The following CSMD1 variants were observed in gnomAD, a reference collection of about 807,000 sequenced individuals.
CSMD1 encodes CUB and Sushi multiple domains 1.
In CSMD1, 213 loss-of-function variants were observed where a neutral mutation model predicts 417.5. That is an observed-to-expected ratio of 0.51 (90% CI 0.46 to 0.57). CSMD1 has a LOEUF of 0.57. Ranked by LOEUF, CSMD1 falls within the 20% of genes least tolerant of loss-of-function variation. The pLI, the probability that CSMD1 is intolerant of heterozygous loss-of-function variation, is 0.00. For synonymous variants in CSMD1, 2,862 were observed against 1,736.8 expected (o/e 1.65, Z -16.11); for missense variants, 6,923 against 4,529.7 (o/e 1.53, Z -15.17).
chr8:3,616,929 C>T, intron 7 of CSMD1, 132 bp from the exon 8 acceptor site: 1 of 563,346 alleles, frequency 1.8e-6, no homozygotes, highest in Non-Finnish European at 3.1e-6. Context: ...GGAATTAAGA[C>T]ACCTTAAATA....
At chr8:3,176,342 G>C (rs1448379668) in intron 37 of CSMD1, among the ~76,000 whole-genome samples, 1 of 144,496 alleles carries the variant, frequency 6.9e-6, no homozygotes, top group South Asian at 2.1e-4. Context: ...GAACATCTCT[G>C]AATGTTTTCA....
At chr8:3,074,281 C>A (rs1240263146) in intron 49 of CSMD1, among the ~76,000 whole-genome samples, 1 of 152,152 alleles carries the variant, frequency 6.6e-6, no homozygotes. Context: ...AAGAACTCTG[C>A]CCCTAGAAGA....
rs1479854950 is a variant in CSMD1, at chr8:3,348,073, G to A, written c.3393C>T (p.Ile1131=). The change falls in exon 22 of 70, where the codon ATC becomes ATT. Residue 1131 remains isoleucine (I), a synonymous_variant. Transcript: ENST00000635120. ...PSNYDNNHEC[I]YKIETEAGKG... ...TGCCGGCTTCTGTTTCTATTTTATA[G>A]ATACACTCATGGTTATTATCATAAT... The A allele has an allele frequency of 6.2e-7, 1 of 1,612,454 alleles. No individual in the cohort carries two copies. The highest frequency in any genetic ancestry group is 8.5e-7 in the Non-Finnish European group (1 of 1,179,134).
intron 5 of CSMD1, among the ~76,000 whole-genome samples, chr8:3,837,665 G>C (rs1234661310): frequency 6.6e-6 from 1 of 152,068 alleles, no homozygotes; most frequent in African/African-American, 2.4e-5. Flanking sequence ...TCCTACATAG[G>C]CACAGGGATG....
intron 3 of CSMD1, among the ~76,000 whole-genome samples, chr8:4,178,608 G>T (rs1218244167): frequency 6.6e-6 from 1 of 151,628 alleles, no homozygotes; most frequent in African/African-American, 2.4e-5. Flanking sequence ...AGGAAATAAA[G>T]GGTATTCAAT....
intron 20 of CSMD1, among the ~76,000 whole-genome samples, chr8:3,363,701 G>GA (rs1230761816): frequency 6.6e-6 from 1 of 152,100 alleles, no homozygotes; most frequent in East Asian, 1.9e-4. Flanking sequence ...TGAATGAAGA[G>GA]AAAATCACAT....
intron 15 of CSMD1, among the ~76,000 whole-genome samples, chr8:3,402,646 A>G (rs1812105412): frequency 6.6e-6 from 1 of 152,192 alleles, no homozygotes; most frequent in African/African-American, 2.4e-5. Context: ...ACGTAAAGTT[A>G]TATTATTTTT....
intron 46 of CSMD1, among the ~76,000 whole-genome samples, chr8:3,105,860 T>C (rs1417722818): frequency 2.0e-5 from 3 of 152,240 alleles, no homozygotes; most frequent in South Asian, 2.1e-4. Flanking sequence ...GGAAATACTT[T>C]GTAAGTTTTC....
chr8:4,744,103 T>C (rs1331525985), intron 1 of CSMD1, among the ~76,000 whole-genome samples: 1 of 152,184 alleles, frequency 6.6e-6, no homozygotes, highest in Non-Finnish European at 1.5e-5. Flanking sequence ...CAGGAGCTAA[T>C]ACAAAAGCTA....
At chr8:4,450,496 G>C (rs1284102359) in intron 2 of CSMD1, among the ~76,000 whole-genome samples, 1 of 152,074 alleles carries the variant, frequency 6.6e-6, no homozygotes, top group Non-Finnish European at 1.5e-5. Flanking sequence ...TTATCTGCGT[G>C]TGGTGGTGCG....
intron 3 of CSMD1, among the ~76,000 whole-genome samples, chr8:4,243,311 C>T (rs1344791268): frequency 6.6e-6 from 1 of 152,066 alleles, no homozygotes; most frequent in Non-Finnish European, 1.5e-5. Flanking sequence ...AGGCTCTTGG[C>T]TAAATCTGAA....
At chr8:3,937,295 C>T (rs1162714032) in intron 5 of CSMD1, among the ~76,000 whole-genome samples, 2 of 152,086 alleles carry the variant, frequency 1.3e-5, no homozygotes, top group South Asian at 2.1e-4. Flanking sequence ...AAGAATTTCT[C>T]CTGTAGGTAT....
chr8:4,665,078 T>G (rs1157469489), intron 1 of CSMD1, among the ~76,000 whole-genome samples: 2 of 152,202 alleles, frequency 1.3e-5, no homozygotes, highest in South Asian at 2.1e-4. Context: ...AGTTTCCCTT[T>G]ACTCTCCTTC....
At chr8:3,592,085 T>C (rs1474831729) in intron 8 of CSMD1, among the ~76,000 whole-genome samples, 1 of 151,888 alleles carries the variant, frequency 6.6e-6, no homozygotes, top group Non-Finnish European at 1.5e-5. Flanking sequence ...ATTGACGGAT[T>C]AGAGAGACAG....
In CSMD1 at chr8:3,926,031, A is replaced by ACACACG. The variant is rs1404715781; in HGVS notation, c.818+71871_818+71872insCGTGTG. 4.4e-5 allele frequency among the ~76,000 whole-genome samples: 6 copies of ACACACG among 135,532 alleles called. No homozygotes were observed. The East Asian group carries it at 1.3e-3, about 28-fold the overall frequency. 88.9% of individuals were successfully genotyped at this position (135,532 alleles called of 152,430 possible). On this transcript the variant is annotated intron_variant, in intron 5 of 69. Transcript: ENST00000635120. The stretch of plus-strand genomic sequence containing the variant: ...TTTGTCTATACACACACACACACAC[A>ACACACG]CACACACACACAAACACCATATACA...
At chr8:4,401,823 G>C (rs1804664952) in intron 3 of CSMD1, among the ~76,000 whole-genome samples, 2 of 151,918 alleles carry the variant, frequency 1.3e-5, no homozygotes, top group African/African-American at 4.8e-5. Flanking sequence ...CCGTTCCCTG[G>C]GATTGGCTGC....
intron 5 of CSMD1, among the ~76,000 whole-genome samples, chr8:3,972,170 C>G (rs1031626844): frequency 6.6e-6 from 1 of 151,966 alleles, no homozygotes; most frequent in East Asian, 1.9e-4. Flanking sequence ...GTGCCTGGCC[C>G]TTCTAAGACC....
chr8:4,458,983 T>G (rs1380161775), intron 2 of CSMD1, among the ~76,000 whole-genome samples: 1 of 152,170 alleles, frequency 6.6e-6, no homozygotes. Flanking sequence ...AACATCTCAG[T>G]GAGGATTCAC....
At chr8:3,554,104 A>C (rs963383502) in intron 10 of CSMD1, among the ~76,000 whole-genome samples, 4 of 152,228 alleles carry the variant, frequency 2.6e-5, no homozygotes, top group Non-Finnish European at 5.9e-5. Context: ...TCATGACTGT[A>C]TTTAATGCAT....
Sources: gnomAD v4.1 joint callset for allele counts (sites outside exome capture counted in the v4.1 genomes callset) on GRCh38, gnomAD v4.1.1 for gene constraint, MANE v1.5 for transcripts, NCBI Gene and HGNC (gene_info 2026-07-23, HGNC 2026-07-21) for gene names.